The following HDAC7 variants were observed in gnomAD, a reference collection of about 807,000 sequenced individuals.
The protein encoded by HDAC7 is histone deacetylase 7A.
HDAC7 carries 26 observed loss-of-function variants against 115.5 expected under a neutral mutation model. The observed-to-expected ratio is 0.23, with a 90% CI of 0.16 to 0.31. The LOEUF (loss-of-function observed/expected upper bound fraction) is 0.31. Ranked by LOEUF, HDAC7 falls within the 10% of genes least tolerant of loss-of-function variation. The pLI is 1.00. For synonymous variants in HDAC7, 564 were observed against 550.9 expected (o/e 1.02, Z -0.33); for missense variants, 1,068 against 1,329.0 (o/e 0.80, Z 3.05).
rs962383484 is a variant in HDAC7 at position 47,787,571 on chromosome 12, A to T, written c.2453+141T>A. 4.8e-6 allele frequency: 3 copies of T among 621,316 alleles called. No individual in the cohort carries two copies. In the Admixed American group the frequency reaches 8.9e-5, roughly 18 times the overall value. The allele number at this position is 621,316 out of a possible 1,614,324, so 38.5% of individuals were successfully genotyped here. Reference sequence around the variant, plus strand: ...TTGCATTCTTCTCTCTGTTTGTCCTATTCTCACTGGCGTTCACCTACAATG... The same window carrying T: ...TTGCATTCTTCTCTCTGTTTGTCCTTTTCTCACTGGCGTTCACCTACAATG... On this transcript the variant is annotated intron_variant, in intron 21 of 25. Transcript: ENST00000080059.
rs1943778082 is a variant in HDAC7 at position 47,795,636 on chromosome 12, C to A, written c.1038G>T (p.Gln346His). The A allele has an allele frequency of 6.4e-7, 1 of 1,557,394 alleles. No homozygotes were observed. Among genetic ancestry groups the A allele is most frequent in the African/African-American group, 1.4e-5 (1 of 73,450 alleles). The change falls in exon 10 of 26, where the codon CAG (glutamine) becomes CAT (histidine). Residue 346 changes from glutamine (Q) to histidine (H), a missense_variant. Physicochemically the swap from Gln to His is conservative, Grantham distance 24. Around this residue, in one of 6 missense-constraint regions of HDAC7, gnomAD observed 618 missense variants for 701.5 expected, o/e 0.88. Coordinates refer to ENST00000080059, the MANE Select transcript of HDAC7 (RefSeq NM_015401.5). This position sits in a 1 kb window ranked among gnomAD's most constrained non-coding sequence, Gnocchi z 4.3. ...EAGGTLPSRL[Q>H]PILLLDPSGS... is the part of the protein sequence containing the mutation. ...CTGAGGGGTCCAGGAGGAGAATGGG[C>A]TGCAGGCGAGAGGGCAAGGTGCCCC...
intron 22 of HDAC7, 156 bp from the exon 23 acceptor site, chr12:47,786,041 A>G (rs973282039): frequency 3.9e-6 from 3 of 775,216 alleles, no homozygotes; most frequent in Admixed American, 6.6e-5. Context: ...AATGTCGTAC[A>G]AAACCTACTA....
chr12:47,809,617 C>G (rs996890924), intron 1 of HDAC7, among the ~76,000 whole-genome samples: 4 of 152,172 alleles, frequency 2.6e-5, no homozygotes, highest in African/African-American at 4.8e-5. Flanking sequence ...GTCACCCAGG[C>G]TGGAGTACAG....
At chr12:47,790,191 G>C in intron 16 of HDAC7, 1 of 466,780 alleles carries the variant, frequency 2.1e-6, no homozygotes, top group Non-Finnish European at 4.0e-6. Context: ...GTCAGGGGAG[G>C]GGGCATGGCG....
At chr12:47,818,878 G>C (rs1038551879) in intron 1 of HDAC7, among the ~76,000 whole-genome samples, 1 of 152,206 alleles carries the variant, frequency 6.6e-6, no homozygotes, top group African/African-American at 2.4e-5. Flanking sequence ...GCCACAGCGG[G>C]AAGCAATGGG....
Position 47,789,283 on chromosome 12 carries a change from C to T in HDAC7, c.2213G>A (p.Ser738Asn), listed in dbSNP as rs1211742793. The T allele has an allele frequency of 3.1e-6, 5 of 1,614,032 alleles. No homozygotes were observed. The highest frequency in any genetic ancestry group is 1.6e-4 in the Middle Eastern group (1 of 6,062). ...CRQLQQQSKA[S>N]KILIVDWDVH... ...TACCCAGTCTACAATGAGGATCTTG[C>T]TGGCCTTGCTCTGCTGTTGCAGCTG... The change falls in exon 19 of 26, where the codon AGC becomes AAC. Residue 738 changes from serine (S) to asparagine (N), a missense_variant. By Grantham distance (46) the Ser-to-Asn change is conservative. Around this residue, in one of 6 missense-constraint regions of HDAC7, gnomAD observed 182 missense variants for 301.1 expected, o/e 0.60. Transcript: ENST00000080059.
chr12:47,819,613 CG>C (rs1944960134), intron 1 of HDAC7, among the ~76,000 whole-genome samples, 153 bp downstream of exon 1: 1 of 150,240 alleles, frequency 6.7e-6, no homozygotes, highest in Non-Finnish European at 1.5e-5. Flanking sequence ...CAGGCGCGGT[CG>C]GGGGGCGCAA....
At position 47,819,821 on chromosome 12, in the gene HDAC7, G is replaced by C; in HGVS notation, c.-36C>G. On this transcript the variant is annotated 5_prime_UTR_variant, in exon 1 of 26. Transcript: ENST00000080059. Reference sequence around the variant, plus strand: ...GGGCCCTCAGAGCGGGGGGCTCATGGCGGGGCGGGGGGCTGGGGCGCCGGC... The same window carrying C: ...GGGCCCTCAGAGCGGGGGGCTCATGCCGGGGCGGGGGGCTGGGGCGCCGGC... 4.7e-6 allele frequency: 1 copy of C among 214,872 alleles called. No homozygotes were observed. Among genetic ancestry groups the C allele is most frequent in the Non-Finnish European group, 8.9e-6 (1 of 112,874 alleles). The allele number at this position is 214,872 out of a possible 1,614,324, so 13.3% of individuals were successfully genotyped here. A position where few individuals can be genotyped will look rare whatever the true frequency, so the allele number is the denominator to read the frequency against.
rs1943271851 is a variant in HDAC7, at chr12:47,788,092, G to A, written c.2308C>T (p.Arg770Cys). 1.2e-6 allele frequency: 2 copies of A among 1,613,742 alleles called. No homozygotes were observed. Among genetic ancestry groups the A allele is most frequent in the Non-Finnish European group, 1.7e-6 (2 of 1,179,768 alleles). Reference protein sequence around the residue: ...DPSVLYISLHRHDDGNFFPGS... With the variant: ...DPSVLYISLHCHDDGNFFPGS... ...GGGAAGAAGTTGCCGTCGTCATGGC[G>A]ATGCAGGGAGATGTAGAGCACACTG... The change falls in exon 20 of 26, where the codon CGC (arginine) becomes TGC (cysteine). Residue 770 changes from arginine to cysteine, a missense_variant. Physicochemically the swap from Arg to Cys is radical, Grantham distance 180. Around this residue, in one of 6 missense-constraint regions of HDAC7, gnomAD observed 182 missense variants for 301.1 expected, o/e 0.60. Coordinates refer to ENST00000080059, the MANE Select transcript of HDAC7 (RefSeq NM_015401.5).
intron 7 of HDAC7, among the ~76,000 whole-genome samples, 189 bp from the exon 8 acceptor site, chr12:47,796,487 G>A (rs61174977): frequency 0.077 from 11,553 of 150,152 alleles, 983 homozygotes; most frequent in African/African-American, 0.21. Context: ...GCAATGGCAC[G>A]ATCCCGGCTC....
rs35753431 is a variant in HDAC7 at position 47,797,895 on chromosome 12, T to TGTGTGTGTGTGAGA, written c.461+212_461+213insTCTCACACACACAC. ...GTGTGTGTGTGTGTGTGTGTGTGTGTGAGAAGGGCTCAGGTGGGGTGGGGA... is the reference window on the plus strand; with the variant it reads ...GTGTGTGTGTGTGTGTGTGTGTGTGTGTGTGTGTGTGAGAGAGAAGGGCTCAGGTGGGGTGGGGA... On this transcript the variant is annotated intron_variant, in intron 5 of 25. Coordinates refer to ENST00000080059, the MANE Select transcript of HDAC7 (RefSeq NM_015401.5). This position sits in a 1 kb window ranked among gnomAD's most constrained non-coding sequence, Gnocchi z 5.5. Among the ~76,000 whole-genome samples, 48 of 143,460 alleles carry TGTGTGTGTGTGAGA rather than the reference T, an allele frequency of 3.3e-4. No homozygotes were observed. Among genetic ancestry groups the TGTGTGTGTGTGAGA allele is most frequent in the African/African-American group, 1.3e-3 (46 of 36,508 alleles). The allele number at this position is 143,460 out of a possible 152,430, so 94.1% of individuals were successfully genotyped here.
At chr12:47,784,738 GCTC>G in intron 24 of HDAC7, 4 of 1,535,528 alleles carry the variant, frequency 2.6e-6, no homozygotes, top group South Asian at 1.2e-5. Context: ...CCAGGAGAAT[GCTC>G]CTCCTGCCTG....
intron 1 of HDAC7, among the ~76,000 whole-genome samples, chr12:47,808,323 C>T (rs898166742): frequency 6.6e-6 from 1 of 152,182 alleles, no homozygotes; most frequent in African/African-American, 2.4e-5. Flanking sequence ...GTGTCGCCCC[C>T]CCACCCCACC....
At chr12:47,800,765 C>T (rs1418008231) in intron 2 of HDAC7, among the ~76,000 whole-genome samples, 5 of 152,336 alleles carry the variant, frequency 3.3e-5, no homozygotes, top group African/African-American at 1.2e-4. Context: ...CAGCCACATA[C>T]GGACTGTGAG....
chr12:47,789,994 C>T, intron 16 of HDAC7, 74 bp from the exon 17 acceptor site: 1 of 1,147,820 alleles, frequency 8.7e-7, no homozygotes, highest in South Asian at 1.2e-5. Context: ...GGGTGGTCCC[C>T]ACCCCACGGC....
At chr12:47,813,239 G>C (rs1321095392) in intron 1 of HDAC7, 5 of 150,016 alleles carry the variant, frequency 3.3e-5, no homozygotes, top group Non-Finnish European at 5.9e-5. Context: ...CTGTCATTCT[G>C]AGAGCAGTTC....
chr12:47,817,082 A>T (rs1409730394), intron 1 of HDAC7, among the ~76,000 whole-genome samples: 1 of 152,202 alleles, frequency 6.6e-6, no homozygotes, highest in African/African-American at 2.4e-5. Flanking sequence ...GCCTCCAGGG[A>T]AGGTTACCAC....
chr12:47,789,234 T>C (rs2136924393), intron 19 of HDAC7, 27 bp downstream of exon 19: 1 of 1,566,070 alleles, frequency 6.4e-7, no homozygotes, highest in East Asian at 2.2e-5. Context: ...GCTCTCGAAT[T>C]GGAGGGTGCT....
At chr12:47,815,672 C>T (rs376561634) in intron 1 of HDAC7, among the ~76,000 whole-genome samples, 1 of 152,114 alleles carries the variant, frequency 6.6e-6, no homozygotes, top group South Asian at 2.1e-4. Flanking sequence ...AGTGAGGTGG[C>T]GCAATCTCGG....
Sources: gnomAD v4.1 joint callset for allele counts (sites outside exome capture counted in the v4.1 genomes callset) on GRCh38, gnomAD v4.1.1 for gene constraint, gnomAD v4.1.1 regional missense constraint, Gnocchi (gnomAD v3.1) non-coding constraint, MANE v1.5 for transcripts, NCBI Gene and HGNC (gene_info 2026-07-23, HGNC 2026-07-21) for gene names.